IL22RA1: variants seen among roughly 807,000 people sequenced by gnomAD.
The protein encoded by IL22RA1 is interleukin-22 receptor subunit alpha-1.
IL22RA1 carries 25 observed loss-of-function variants against 32.8 expected under a neutral mutation model. The observed-to-expected ratio is 0.76, with a 90% confidence interval of 0.55 to 1.06. The LOEUF is 1.06. Among genes scored for constraint, IL22RA1 ranks in the 50% least tolerant of loss-of-function variants. The probability of loss-of-function intolerance (pLI) is 0.00; values close to 1 mark genes in which losing one functional copy is unlikely to be tolerated. For synonymous variants in IL22RA1, 305 were observed against 305.0 expected, an observed-to-expected ratio of 1.00 and a Z score of 0.00; for missense variants, 709 against 727.4, an observed-to-expected ratio of 0.97 and a Z score of 0.29.
intron 1 of IL22RA1, among the ~76,000 whole-genome samples, chr1:24,141,573 G>A (rs1488075505): frequency 1.3e-5 from 2 of 152,196 alleles, no homozygotes; most frequent in Non-Finnish European, 2.9e-5. Flanking sequence ...CACTTTTCAG[G>A]AGGGAACTGC....
chr1:24,130,432 G>A (rs773138390), intron 4 of IL22RA1, among the ~76,000 whole-genome samples: 1 of 152,160 alleles, frequency 6.6e-6, no homozygotes, highest in Non-Finnish European at 1.5e-5. Flanking sequence ...CATGAATGGG[G>A]TAGACTCCAA....
In IL22RA1 at chr1:24,137,119, G is replaced by A; in HGVS notation, c.355+12C>T. On this transcript the variant is annotated intron_variant, in intron 3 of 6. Transcript: ENST00000270800. The stretch of plus-strand genomic sequence containing the variant: ...CTTCCCTCCCCTGAAACCCACAGGG[G>A]CTCCAACTCACTGTGCTGCAGAGAG... 6.2e-7 allele frequency: 1 copy of A among 1,604,360 alleles called. No homozygotes were observed. The highest frequency in any genetic ancestry group is 8.5e-7 in the Non-Finnish European group (1 of 1,172,414).
intron 6 of IL22RA1, among the ~76,000 whole-genome samples, chr1:24,122,633 A>G (rs987517040): frequency 1.3e-5 from 2 of 152,018 alleles, no homozygotes; most frequent in African/African-American, 4.8e-5. Context: ...CGTCTCTACT[A>G]AAAATACAAA....
rs750881925 is a variant in IL22RA1, at chr1:24,123,318, G to T, written c.776C>A (p.Ala259Glu). 1 of 1,614,132 alleles carries T rather than the reference G, an allele frequency of 6.2e-7. No homozygotes were observed. The highest frequency in any genetic ancestry group is 8.5e-7 in the Non-Finnish European group (1 of 1,179,984). Residue 259 changes from alanine (A) to glutamate (E), a missense_variant, in exon 6 of 7, where the codon GCA becomes GAA. Physicochemically the swap from Ala to Glu is moderately radical, Grantham distance 107. Transcript: ENST00000270800. ...LSYRYVTKPP[A>E]PPNSLNVQRV... is the part of the protein sequence containing the mutation. The stretch of plus-strand genomic sequence containing the variant: ...ATGGCTCACCAGGGAGTTGGGAGGT[G>T]CAGGCGGCTTGGTGACATATCTGTA...
chr1:24,125,746 C>A (rs769756301), intron 5 of IL22RA1, among the ~76,000 whole-genome samples: 1 of 152,006 alleles, frequency 6.6e-6, no homozygotes, highest in Admixed American at 6.5e-5. Flanking sequence ...ACCCAGCTTA[C>A]AGGATTGTTG....
chr1:24,142,475 A>T (rs765018499), intron 1 of IL22RA1, among the ~76,000 whole-genome samples: 8 of 152,172 alleles, frequency 5.3e-5, no homozygotes, highest in Non-Finnish European at 1.2e-4. Context: ...TTTCCAAATG[A>T]GTCCTGTGTC....
At position 24,119,871 on chromosome 1, in the gene IL22RA1, G is replaced by A. The variant is rs1242958687; in HGVS notation, c.*934C>T. 6.6e-6 allele frequency: 1 copy of A among 152,270 alleles called. No individual in the cohort carries two copies. The highest frequency in any genetic ancestry group is 1.5e-5 in the Non-Finnish European group (1 of 68,062). The allele number at this position is 152,270 out of a possible 1,614,324, so 9.4% of individuals were successfully genotyped here. On this transcript the variant is annotated 3_prime_UTR_variant, in exon 7 of 7. Coordinates refer to ENST00000270800, the MANE Select transcript of IL22RA1 (RefSeq NM_021258.4). ...TCTTCACCACAACTCCATGAGGTAG[G>A]TGTTATGATCCCCACATTACAGATG... is the stretch of plus-strand genomic sequence containing the variant.
intron 5 of IL22RA1, chr1:24,123,659 C>A: frequency 1.0e-6 from 1 of 954,850 alleles, no homozygotes; most frequent in Non-Finnish European, 1.4e-6. Flanking sequence ...GAGGTTTCCA[C>A]CTTAACAAAA....
intron 5 of IL22RA1, among the ~76,000 whole-genome samples, chr1:24,124,874 C>T (rs1233012384): frequency 1.3e-5 from 2 of 152,144 alleles, no homozygotes; most frequent in Non-Finnish European, 2.9e-5. Context: ...AAAACCACTG[C>T]TGTTTGTTCC....
At chr1:24,134,684 C>T (rs1027564207) in intron 3 of IL22RA1, among the ~76,000 whole-genome samples, 2 of 152,118 alleles carry the variant, frequency 1.3e-5, no homozygotes, top group African/African-American at 2.4e-5. Flanking sequence ...CATCCCAGCC[C>T]CCTGCGTCCC....
intron 6 of IL22RA1, among the ~76,000 whole-genome samples, chr1:24,122,669 A>G (rs1644133320): frequency 6.6e-6 from 1 of 151,900 alleles, no homozygotes; most frequent in South Asian, 2.1e-4. Context: ...GTGGTGGTGC[A>G]TGCCTGTAAT....
chr1:24,123,404 G>C lies in IL22RA1; in HGVS notation c.690C>G (p.Ser230=). 1 of 1,613,846 alleles carries C rather than the reference G, an allele frequency of 6.2e-7. No individual in the cohort carries two copies. The highest frequency in any genetic ancestry group is 1.1e-5 in the South Asian group (1 of 90,968). ...KTLPDRTWTY[S]FSGAFLFSMG... ...TGGAGAACAGGAAGGCTCCGGAGAA[G>C]GAGTAGGTCCATGTCCGGTCTGGGA... Residue 230 remains serine, a synonymous_variant, in exon 6 of 7, where the codon TCC becomes TCG. Transcript: ENST00000270800.
intron 3 of IL22RA1, 81 bp from the exon 4 acceptor site, chr1:24,134,467 A>G: frequency 9.7e-7 from 1 of 1,027,784 alleles, no homozygotes; most frequent in Admixed American, 3.4e-5. Context: ...GACAGTGGAA[A>G]ATGACTGCTC....
intron 2 of IL22RA1, among the ~76,000 whole-genome samples, chr1:24,138,310 GA>G (rs1644256964): frequency 6.6e-6 from 1 of 152,260 alleles, no homozygotes; most frequent in South Asian, 2.1e-4. Context: ...TGTGGGTGGA[GA>G]AACTGAGGCT....
Position 24,123,463 on chromosome 1 carries a change from G to C in IL22RA1, c.671-40C>G, listed in dbSNP as rs115083106. 4,509 of 1,602,318 alleles carry C rather than the reference G, an allele frequency of 2.8e-3. 113 individuals are homozygous for C. In the African/African-American group the frequency reaches 0.051, roughly 18 times the overall value. On this transcript the variant is annotated intron_variant, in intron 5 of 6. Transcript: ENST00000270800. ...GGGCCAGAGAAGGAAGCGTGAGGCT[G>C]GGCTCTGCCTGGGCCCGGTTGGGTC...
At chr1:24,137,102 C>T (rs1291536655) in intron 3 of IL22RA1, 29 bp downstream of exon 3, 7 of 1,594,936 alleles carry the variant, frequency 4.4e-6, no homozygotes, top group Non-Finnish European at 5.1e-6. Context: ...CTCTTCCCTC[C>T]CCTGAAACCC....
rs566548476 is a variant in IL22RA1, at chr1:24,123,085, C to G, written c.792+217G>C. 8.5e-5 allele frequency among the ~76,000 whole-genome samples: 13 copies of G among 152,328 alleles called. No individual in the cohort carries two copies. The East Asian group carries it at 2.3e-3, about 27-fold the overall frequency. On this transcript the variant is annotated intron_variant, in intron 6 of 6. Transcript: ENST00000270800. ...GCCATGTGGGTTTTTTATTCCATGT[C>G]TACTATTCCTGATCACCCACCCCAC...
chr1:24,138,885 T>G (rs1644261752), intron 1 of IL22RA1, among the ~76,000 whole-genome samples, 171 bp from the exon 2 acceptor site: 1 of 152,200 alleles, frequency 6.6e-6, no homozygotes. Context: ...CTTCTACAAA[T>G]GGACCAGCAA....
In IL22RA1 at chr1:24,134,338, A is replaced by C; in HGVS notation, c.404T>G (p.Ile135Ser). 1 of 1,596,698 alleles carries C rather than the reference A, an allele frequency of 6.3e-7. No homozygotes were observed. Among genetic ancestry groups the C allele is most frequent in the Non-Finnish European group, 8.5e-7 (1 of 1,171,058 alleles). The change falls in exon 4 of 7, where the codon ATT becomes AGT. Residue 135 changes from isoleucine to serine, a missense_variant. Transcript: ENST00000270800. Reference protein sequence around the residue: ...DVTCISKVRSIQMIVHPTPTP... With the variant: ...DVTCISKVRSSQMIVHPTPTP... ...GGGGGTAGGATGAACAATCATCTGAATCGATCTCACTTTGGAGATACAGGT... is the reference window on the plus strand; with the variant it reads ...GGGGGTAGGATGAACAATCATCTGACTCGATCTCACTTTGGAGATACAGGT...
Sources: gnomAD v4.1 joint callset for allele counts (sites outside exome capture counted in the v4.1 genomes callset) on GRCh38, gnomAD v4.1.1 for gene constraint, MANE v1.5 for transcripts, NCBI Gene and HGNC (gene_info 2026-07-23, HGNC 2026-07-21) for gene names.